Variants in AKR1B1 observed in about 807,000 individuals in gnomAD.
AKR1B1 encodes the protein aldo-keto reductase family 1 member B, also known as aldo-keto reductase family 1 member B1.
A neutral mutation model predicts 40.4 loss-of-function variants in AKR1B1; 22 were observed. The observed-to-expected ratio is 0.54, with a 90% CI of 0.39 to 0.78. AKR1B1 has a LOEUF of 0.78. AKR1B1 is among the 30% of genes least tolerant of loss of function. The pLI, the probability that AKR1B1 is intolerant of heterozygous loss-of-function variation, is 0.00. For synonymous variants in AKR1B1, 157 were observed against 149.9 expected (o/e 1.05, Z -0.35); for missense variants, 357 against 396.7 (o/e 0.90, Z 0.85).
At chr7:134,446,450 G>A (rs774224756) in intron 8 of AKR1B1, among the ~76,000 whole-genome samples, 3 of 152,210 alleles carry the variant, frequency 2.0e-5, no homozygotes, top group Non-Finnish European at 4.4e-5. Flanking sequence ...AGAGCCCCAG[G>A]CCCATGGCTG....
intron 1 of AKR1B1, among the ~76,000 whole-genome samples, chr7:134,454,998 G>C (rs1806422759): frequency 6.6e-6 from 1 of 152,184 alleles, no homozygotes; most frequent in Non-Finnish European, 1.5e-5. Context: ...GGGCTTTAGA[G>C]ACACCAGGGA....
chr7:134,449,586 C>CAAA, intron 4 of AKR1B1, 134 bp downstream of exon 4: 2 of 695,328 alleles, frequency 2.9e-6, no homozygotes, highest in African/African-American at 2.0e-5. Context: ...GACCCCAACT[C>CAAA]AAAAAAAAAA....
intron 7 of AKR1B1, chr7:134,447,727 C>T: frequency 1.6e-6 from 1 of 621,680 alleles, no homozygotes. Flanking sequence ...GATGAGGTTC[C>T]ACATGAATGA....
chr7:134,447,755 T>C, intron 7 of AKR1B1: 2 of 645,698 alleles, frequency 3.1e-6, no homozygotes, highest in South Asian at 1.8e-5. Context: ...CTGGCCCTCG[T>C]GGCAGTCACC....
At chr7:134,452,850 A>C (rs1585716235) in intron 1 of AKR1B1, among the ~76,000 whole-genome samples, 1 of 152,138 alleles carries the variant, frequency 6.6e-6, no homozygotes, top group African/African-American at 2.4e-5. Flanking sequence ...CCGTTACCAG[A>C]GCCTGTTAGC....
intron 1 of AKR1B1, 128 bp downstream of exon 1, chr7:134,458,869 C>T: frequency 9.0e-7 from 1 of 1,107,454 alleles, no homozygotes; most frequent in South Asian, 1.4e-5. Flanking sequence ...TGCAAGCCCG[C>T]GCGTGGCTCC....
At chr7:134,448,296 A>C (rs76101064) in intron 6 of AKR1B1, 91 bp downstream of exon 6, 36 of 734,266 alleles carry the variant, frequency 4.9e-5, no homozygotes, top group Non-Finnish European at 7.0e-5. Flanking sequence ...GATCACCCCC[A>C]GAAACATCTT....
chr7:134,451,574 G>A lies in AKR1B1; in HGVS notation c.234+12C>T, dbSNP rs571615210. ...ACCGAGAGCCCCTTCCAGCCCCACCGCGGAACGATACCTTGCTGACGATGA... is the reference window on the plus strand; with the variant it reads ...ACCGAGAGCCCCTTCCAGCCCCACCACGGAACGATACCTTGCTGACGATGA... On this transcript the variant is annotated intron_variant, in intron 2 of 9. Transcript: ENST00000285930. 7.3e-5 allele frequency: 117 copies of A among 1,613,336 alleles called. No individual in the cohort carries two copies. The highest frequency in any genetic ancestry group is 4.4e-4 in the South Asian group (40 of 91,026).
rs1047476538 is a variant in AKR1B1, at chr7:134,449,754, A to G, written c.395T>C (p.Val132Ala). 2.5e-5 allele frequency: 40 copies of G among 1,614,018 alleles called. No individual in the cohort carries two copies. The highest frequency in any genetic ancestry group is 3.2e-5 in the Non-Finnish European group (38 of 1,179,978). ...GTCCAGAATGTTGGTGTCACTGGGA[A>G]CCACATTGCCCGACTCATCCAATGG... The part of the protein sequence containing the change: ...FFPLDESGNV[V>A]PSDTNILDTW... Residue 132 changes from valine (V) to alanine (A), a missense_variant, in exon 4 of 10, where the codon GTT (valine) becomes GCT (alanine). Val to Ala is a moderately conservative substitution (Grantham distance 64). Transcript: ENST00000285930.
In AKR1B1 at chr7:134,449,720, C is replaced by T. The variant is rs567808791; in HGVS notation, c.429G>A (p.Ala143=). ...PSDTNILDTW[A]AMEELVDEGL... is the part of the protein sequence containing the mutation. ...AAGGTCCAACCAGGGGCTGTCTTAC[C>T]GCCCACGTGTCCAGAATGTTGGTGT... The change falls in exon 4 of 10, where the codon GCG becomes GCA. Residue 143 remains alanine, a splice_region_variant and synonymous_variant. Transcript: ENST00000285930. The T allele has an allele frequency of 1.8e-5, 29 of 1,612,814 alleles. No homozygotes were observed. The highest frequency in any genetic ancestry group is 1.6e-4 in the Middle Eastern group (1 of 6,082).
intron 7 of AKR1B1, chr7:134,447,691 C>A (rs12669537): frequency 1.3e-4 from 78 of 608,428 alleles, no homozygotes; most frequent in African/African-American, 1.1e-3. Flanking sequence ...ATTCCCTGCA[C>A]GGCTAAGAGC....
At chr7:134,453,419 G>A (rs1030234030) in intron 1 of AKR1B1, among the ~76,000 whole-genome samples, 1 of 152,180 alleles carries the variant, frequency 6.6e-6, no homozygotes, top group African/African-American at 2.4e-5. Flanking sequence ...TGGAGCTGCT[G>A]CAGGAAAGTG....
At chr7:134,448,592 C>T in intron 5 of AKR1B1, 99 bp from the exon 6 acceptor site, 4 of 894,786 alleles carry the variant, frequency 4.5e-6, no homozygotes, top group South Asian at 4.1e-5. Context: ...CTACCCCATA[C>T]AGAAAACTAT....
chr7:134,448,363 AGCATGAGCCTGTGGGAAGCTCACCAGG>A lies in AKR1B1; in HGVS notation c.656_659+23del. 1 of 1,549,954 alleles carries A rather than the reference AGCATGAGCCTGTGGGAAGCTCACCAGG, an allele frequency of 6.5e-7. No individual in the cohort carries two copies. The highest frequency in any genetic ancestry group is 8.9e-7 in the Non-Finnish European group (1 of 1,122,030). On this transcript the variant is annotated splice_donor_variant and splice_donor_5th_base_variant and coding_sequence_variant and intron_variant, in exon 6 of 10. Transcript: ENST00000285930. LOFTEE classifies it high-confidence loss of function. ...TCTAATCTTCACCAAGTGACACAGGAGCATGAGCCTGTGGGAAGCTCACCAGGGCCTGTCAGGAGAGCCGAGGGGGCT... is the reference window on the plus strand; with the variant it reads ...TCTAATCTTCACCAAGTGACACAGGAGCCTGTCAGGAGAGCCGAGGGGGCT...
At position 134,447,968 on chromosome 7, in the gene AKR1B1, A is replaced by C; in HGVS notation, c.741+12T>G. 6.2e-7 allele frequency: 1 copy of C among 1,609,120 alleles called. No homozygotes were observed. Among genetic ancestry groups the C allele is most frequent in the Non-Finnish European group, 8.5e-7 (1 of 1,177,814 alleles). On this transcript the variant is annotated intron_variant, in intron 7 of 9. Coordinates refer to ENST00000285930, the MANE Select transcript of AKR1B1 (RefSeq NM_001628.4). ...AGTTGTGGACGGTCAGCAACACCTG[A>C]AGTGGCTGTACCTGGGCTGTAGTTT...
intron 1 of AKR1B1, among the ~76,000 whole-genome samples, chr7:134,452,894 G>A (rs1053604084): frequency 8.5e-5 from 13 of 152,156 alleles, no homozygotes; most frequent in East Asian, 1.9e-4. Flanking sequence ...AGGGAGCAGC[G>A]AGGCAGGGTG....
chr7:134,444,437 C>T (rs559824645), intron 9 of AKR1B1, among the ~76,000 whole-genome samples: 3 of 152,280 alleles, frequency 2.0e-5, no homozygotes, highest in East Asian at 3.9e-4. Flanking sequence ...ATGGGACAGA[C>T]GCTGGAAAGG....
In AKR1B1 at chr7:134,445,388, A is replaced by AC. The variant is rs1285506837; in HGVS notation, c.826-69dup. On this transcript the variant is annotated intron_variant, in intron 8 of 9. Coordinates refer to ENST00000285930, the MANE Select transcript of AKR1B1 (RefSeq NM_001628.4). ...AATAAAAGACAAAATACTGTGCAGGACCCAGATGTCTTCCATGGCTTTGAG... is the reference window on the plus strand; with the variant it reads ...AATAAAAGACAAAATACTGTGCAGGACCCCAGATGTCTTCCATGGCTTTGAG... The AC allele has an allele frequency of 1.5e-5, 20 of 1,315,866 alleles. No individual in the cohort carries two copies. In the Admixed American group the frequency reaches 3.9e-4, roughly 26 times the overall value. 81.5% of individuals were successfully genotyped at this position (1,315,866 alleles called of 1,614,324 possible). A position where few individuals can be genotyped will look rare whatever the true frequency, so the allele number is the denominator to read the frequency against.
In AKR1B1 at chr7:134,442,453, C is replaced by T; in HGVS notation, c.*275G>A. 2.6e-6 allele frequency: 1 copy of T among 380,384 alleles called. No homozygotes were observed. Among genetic ancestry groups the T allele is most frequent in the Non-Finnish European group, 4.8e-6 (1 of 208,300 alleles). The allele number at this position is 380,384 out of a possible 1,614,324, so 23.6% of individuals were successfully genotyped here. On this transcript the variant is annotated 3_prime_UTR_variant, in exon 10 of 10. Transcript: ENST00000285930. Reference sequence around the variant, plus strand: ...TCAACCGTTAGTGGCACTATTTTGACCTGGTAGATTTTGCTTCTCTTTGGT... The same window carrying T: ...TCAACCGTTAGTGGCACTATTTTGATCTGGTAGATTTTGCTTCTCTTTGGT...
Sources: gnomAD v4.1 joint callset for allele counts (sites outside exome capture counted in the v4.1 genomes callset) on GRCh38, gnomAD v4.1.1 for gene constraint, MANE v1.5 for transcripts, NCBI Gene and HGNC (gene_info 2026-07-23, HGNC 2026-07-21) for gene names.